The following SLIT3 variants were observed in gnomAD, a reference collection of about 807,000 sequenced individuals.
SLIT3 encodes the protein slit homolog 3 protein.
SLIT3 carries 68 observed loss-of-function variants against 184.0 expected under a neutral mutation model. The observed-to-expected ratio is 0.37, with a 90% CI of 0.30 to 0.45. SLIT3 has a LOEUF of 0.45. Among genes scored for constraint, SLIT3 ranks in the 20% least tolerant of loss-of-function variants. The probability of loss-of-function intolerance (pLI) is 1.00; values close to 1 mark genes in which losing one functional copy is unlikely to be tolerated. For missense variants in SLIT3, 1,707 were observed against 2,026.0 expected (o/e 0.84, Z 3.02); for synonymous variants, 831 against 828.6 (o/e 1.00, Z -0.05).
intron 4 of SLIT3, among the ~76,000 whole-genome samples, chr5:168,953,526 C>T (rs1034543404): frequency 6.6e-6 from 1 of 152,240 alleles, no homozygotes; most frequent in Admixed American, 6.5e-5. Context: ...TAGGAACACA[C>T]AGCTGGTTCT....
rs555364748 is a variant in SLIT3 at position 168,726,358 on chromosome 5, G to C, written c.2271-1874C>G. ...ATAGGTGGAGAGGGAGGCAGGGAGG[G>C]AGAGGGAGGCAGGGAGGGAGAGGGA... On this transcript the variant is annotated intron_variant, in intron 20 of 35. Coordinates refer to ENST00000519560, the MANE Select transcript of SLIT3 (RefSeq NM_003062.4). Among the ~76,000 whole-genome samples, 36 of 101,818 alleles carry C rather than the reference G, an allele frequency of 3.5e-4. No homozygotes were observed. In the South Asian group the frequency reaches 0.012, roughly 34 times the overall value. 66.8% of individuals were successfully genotyped at this position (101,818 alleles called of 152,430 possible).
intron 3 of SLIT3, among the ~76,000 whole-genome samples, chr5:169,194,523 T>C (rs1214526827): frequency 6.6e-6 from 1 of 152,194 alleles, no homozygotes; most frequent in Middle Eastern, 3.2e-3. Context: ...TTACATTTTA[T>C]AACTATGTCG....
intron 4 of SLIT3, among the ~76,000 whole-genome samples, chr5:169,128,669 A>T (rs1441182442): frequency 6.6e-6 from 1 of 152,100 alleles, no homozygotes; most frequent in South Asian, 2.1e-4. Context: ...ACCTCAAGTG[A>T]TCCACCTGTC....
chr5:168,922,668 GA>G (rs1353884823), intron 4 of SLIT3, among the ~76,000 whole-genome samples: 1 of 152,118 alleles, frequency 6.6e-6, no homozygotes, highest in Non-Finnish European at 1.5e-5. Context: ...CTTCAGTTTG[GA>G]GGCAATGGGC....
chr5:168,883,313 T>A lies in SLIT3; in HGVS notation c.437A>T (p.Gln146Leu), dbSNP rs758264540. ...TRLDLSENQI[Q>L]GIPRKAFRGI... ...GCGGAACGCCTTCCTCGGGATCCCC[T>A]GGATCTGGTTTTCACTCAAATCTCT... is the stretch of plus-strand genomic sequence containing the variant. Residue 146 changes from glutamine (Q) to leucine (L), a missense_variant, in exon 5 of 36, where the codon CAG becomes CTG. Around this residue, in one of 3 missense-constraint regions of SLIT3, gnomAD observed 1,307 missense variants for 1,511.6 expected, o/e 0.86. Transcript: ENST00000519560. 1.7e-5 allele frequency: 28 copies of A among 1,613,912 alleles called. 1 individual carries two copies. In the South Asian group the frequency reaches 2.4e-4, roughly 14 times the overall value.
At chr5:169,190,150 G>A (rs957648234) in intron 4 of SLIT3, among the ~76,000 whole-genome samples, 1 of 152,128 alleles carries the variant, frequency 6.6e-6, no homozygotes, top group Non-Finnish European at 1.5e-5. Flanking sequence ...TGGGACATGG[G>A]CATATATGAC....
At chr5:169,009,162 A>G (rs1415310890) in intron 4 of SLIT3, among the ~76,000 whole-genome samples, 1 of 152,220 alleles carries the variant, frequency 6.6e-6, no homozygotes, top group African/African-American at 2.4e-5. Context: ...AAGCAAGTGC[A>G]CATGGTCCTT....
At chr5:169,291,958 A>G (rs1767371744) in intron 1 of SLIT3, among the ~76,000 whole-genome samples, 1 of 152,254 alleles carries the variant, frequency 6.6e-6, no homozygotes, top group African/African-American at 2.4e-5. Flanking sequence ...GACTCCACGC[A>G]TGTAAAGTGT....
intron 4 of SLIT3, among the ~76,000 whole-genome samples, chr5:169,003,147 T>C (rs1328079838): frequency 6.6e-6 from 1 of 152,242 alleles, no homozygotes; most frequent in Non-Finnish European, 1.5e-5. Flanking sequence ...TATCTACATA[T>C]GTATGCAGTA....
At chr5:168,798,126 G>C (rs1756633732) in intron 9 of SLIT3, among the ~76,000 whole-genome samples, 1 of 152,002 alleles carries the variant, frequency 6.6e-6, no homozygotes, top group Non-Finnish European at 1.5e-5. Context: ...AAGAATTCCA[G>C]GCTTAGCCTG....
chr5:169,054,793 G>C (rs1268589432), intron 4 of SLIT3, among the ~76,000 whole-genome samples: 1 of 152,106 alleles, frequency 6.6e-6, no homozygotes, highest in Non-Finnish European at 1.5e-5. Flanking sequence ...GCCCCTGTTT[G>C]CCTAACTCCT....
At chr5:168,990,304 G>A (rs1430323662) in intron 4 of SLIT3, among the ~76,000 whole-genome samples, 2 of 152,206 alleles carry the variant, frequency 1.3e-5, no homozygotes, top group Admixed American at 6.5e-5. Context: ...GTGAGGGTGG[G>A]ACAGGGTAAG....
chr5:168,761,782 A>G (rs1755157766), intron 15 of SLIT3, among the ~76,000 whole-genome samples: 1 of 152,062 alleles, frequency 6.6e-6, no homozygotes, highest in Non-Finnish European at 1.5e-5. Flanking sequence ...TCTGTGGCCC[A>G]GGCTGGAGTG....
chr5:169,286,920 G>T (rs1767166952), intron 1 of SLIT3, among the ~76,000 whole-genome samples: 1 of 152,206 alleles, frequency 6.6e-6, no homozygotes, highest in Admixed American at 6.5e-5. Flanking sequence ...AGAGCTTCCT[G>T]ACTGAATATG....
At chr5:168,757,538 A>AT (rs1439294467) in intron 16 of SLIT3, among the ~76,000 whole-genome samples, 1 of 152,148 alleles carries the variant, frequency 6.6e-6, no homozygotes, top group African/African-American at 2.4e-5. Flanking sequence ...GGTTCACGCC[A>AT]TTCTCCTGCT....
At position 168,666,381 on chromosome 5, in the gene SLIT3, C is replaced by G. The variant is rs1291626278; in HGVS notation, c.*73G>C. ...CTTCATTTCCTTCATGCTGAATCAC[C>G]AGGGGGTCCCACATGGCTGTCCCAA... On this transcript the variant is annotated 3_prime_UTR_variant, in exon 36 of 36. Transcript: ENST00000519560. The G allele has an allele frequency of 3.3e-5, 46 of 1,392,964 alleles. No individual in the cohort carries two copies. The Admixed American group carries it at 1.2e-3, about 37-fold the overall frequency. 86.3% of individuals were successfully genotyped at this position (1,392,964 alleles called of 1,614,324 possible).
At chr5:168,795,045 A>G (rs1015984083) in intron 10 of SLIT3, among the ~76,000 whole-genome samples, 1 of 152,226 alleles carries the variant, frequency 6.6e-6, no homozygotes, top group Non-Finnish European at 1.5e-5. Flanking sequence ...TGCTCTATCC[A>G]TAGATCCTTG....
chr5:169,153,200 T>C lies in SLIT3; in HGVS notation c.413+40279A>G, dbSNP rs894947547. On this transcript the variant is annotated intron_variant, in intron 4 of 35. Coordinates refer to ENST00000519560, the MANE Select transcript of SLIT3 (RefSeq NM_003062.4). ...CTATGTCGCCCACCCCTCACTCCATTTGGGCCAATGGGGAGGGGAGGAGGA... is the reference window on the plus strand; with the variant it reads ...CTATGTCGCCCACCCCTCACTCCATCTGGGCCAATGGGGAGGGGAGGAGGA... Among the ~76,000 whole-genome samples the C allele has an allele frequency of 3.9e-5, 6 of 152,272 alleles. No homozygotes were observed. The South Asian group carries it at 8.3e-4, about 21-fold the overall frequency.
intron 2 of SLIT3, among the ~76,000 whole-genome samples, chr5:169,246,429 T>G (rs1394968778): frequency 1.3e-5 from 2 of 152,166 alleles, no homozygotes. Context: ...GTGAGCATAG[T>G]AGATTTAGTT....
Sources: gnomAD v4.1 joint callset for allele counts (sites outside exome capture counted in the v4.1 genomes callset) on GRCh38, gnomAD v4.1.1 for gene constraint, gnomAD v4.1.1 regional missense constraint, MANE v1.5 for transcripts, NCBI Gene and HGNC (gene_info 2026-07-23, HGNC 2026-07-21) for gene names.